The following GXYLT2 variants were observed in gnomAD, a reference collection of about 807,000 sequenced individuals.
GXYLT2 encodes the protein glycosyltransferase 8 domain containing 4.
A neutral mutation model predicts 45.8 loss-of-function variants in GXYLT2; 53 were observed. That is an observed-to-expected ratio of 1.16 (90% confidence interval 0.93 to 1.46). The LOEUF is 1.46. GXYLT2 is among the 40% of genes most tolerant of loss of function. The pLI is 0.00. For synonymous variants in GXYLT2, 219 were observed against 214.2 expected, an observed-to-expected ratio of 1.02 and a Z score of -0.19; for missense variants, 551 against 544.4, an observed-to-expected ratio of 1.01 and a Z score of -0.12.
chr3:72,963,609 T>A (rs1292166401), intron 5 of GXYLT2, among the ~76,000 whole-genome samples: 1 of 149,838 alleles, frequency 6.7e-6, no homozygotes, highest in Non-Finnish European at 1.5e-5. Context: ...CTCAAGTGAG[T>A]CTCCTGCCTT....
Position 72,975,257 on chromosome 3 carries a change from C to T in GXYLT2, c.*98C>T. ...CTTTTTGTGTGAATATTTAATGGTG[C>T]TCCATGACTGTTGAGTTTTAAAAAC... On this transcript the variant is annotated 3_prime_UTR_variant, in exon 7 of 7. Coordinates refer to ENST00000389617, the MANE Select transcript of GXYLT2 (RefSeq NM_001080393.2). 1 of 839,768 alleles carries T rather than the reference C, an allele frequency of 1.2e-6. No homozygotes were observed. The highest frequency in any genetic ancestry group is 2.8e-5 in the South Asian group (1 of 35,882). The allele number at this position is 839,768 out of a possible 1,614,324, so 52.0% of individuals were successfully genotyped here. A position where few individuals can be genotyped will look rare whatever the true frequency, so the allele number is the denominator to read the frequency against.
rs1709096350 is a variant in GXYLT2 at position 72,888,074 on chromosome 3, T to A, written c.-160T>A. 4.0e-6 allele frequency: 1 copy of A among 251,586 alleles called. No homozygotes were observed. The highest frequency in any genetic ancestry group is 6.1e-6 in the Non-Finnish European group (1 of 163,352). 15.6% of individuals were successfully genotyped at this position (251,586 alleles called of 1,614,324 possible). ...TCCTCTCTCTCCTCCTCCTTCGCCG[T>A]CGCCGCCGCCGCCGGCCGCCCGCCG... On this transcript the variant is annotated 5_prime_UTR_variant, in exon 1 of 7. Transcript: ENST00000389617.
At chr3:72,888,730 A>G (rs926544922) in intron 1 of GXYLT2, among the ~76,000 whole-genome samples, 2 of 152,228 alleles carry the variant, frequency 1.3e-5, no homozygotes, top group Admixed American at 1.3e-4. Context: ...TGAAGTGTCA[A>G]GGAAAGTGGT....
intron 1 of GXYLT2, among the ~76,000 whole-genome samples, chr3:72,899,222 C>T (rs1352490473): frequency 6.6e-6 from 1 of 152,058 alleles, no homozygotes; most frequent in Non-Finnish European, 1.5e-5. Context: ...CTGTAATTAC[C>T]AACTTTAGGC....
intron 3 of GXYLT2, among the ~76,000 whole-genome samples, chr3:72,940,313 A>G (rs1360244791): frequency 6.6e-6 from 1 of 152,248 alleles, no homozygotes; most frequent in Non-Finnish European, 1.5e-5. Context: ...CAAATATCCT[A>G]ATCTCATGGA....
At position 72,975,076 on chromosome 3, in the gene GXYLT2, T is replaced by C. The variant is rs762725480; in HGVS notation, c.1249T>C (p.Phe417Leu). The C allele has an allele frequency of 1.2e-6, 2 of 1,613,746 alleles. No homozygotes were observed. The highest frequency in any genetic ancestry group is 2.7e-5 in the African/African-American group (2 of 74,930). ...TTTATGTGGACGAATCCCGCAAGTTTTTCTGAAGCAAATTGAGAAAACAAT... is the reference window on the plus strand; with the variant it reads ...TTTATGTGGACGAATCCCGCAAGTTCTTCTGAAGCAAATTGAGAAAACAAT... ...HTLCGRIPQV[F>L]LKQIEKTMKR... Residue 417 changes from phenylalanine (F) to leucine (L), a missense_variant, in exon 7 of 7, where the codon TTT becomes CTT. Coordinates refer to ENST00000389617, the MANE Select transcript of GXYLT2 (RefSeq NM_001080393.2).
intron 3 of GXYLT2, among the ~76,000 whole-genome samples, chr3:72,930,981 G>A (rs1363569023): frequency 2.6e-5 from 4 of 151,972 alleles, no homozygotes; most frequent in Non-Finnish European, 5.9e-5. Flanking sequence ...TGAACCAACC[G>A]ACTTCTTTAG....
chr3:72,896,782 A>G (rs1241808921), intron 1 of GXYLT2, among the ~76,000 whole-genome samples: 1 of 152,044 alleles, frequency 6.6e-6, no homozygotes, highest in African/African-American at 2.4e-5. Context: ...CCCGGGAGGC[A>G]GAGGTTGCAG....
At chr3:72,903,856 A>G (rs1709452782) in intron 1 of GXYLT2, among the ~76,000 whole-genome samples, 1 of 152,210 alleles carries the variant, frequency 6.6e-6, no homozygotes, top group South Asian at 2.1e-4. Flanking sequence ...TTGATTGCTA[A>G]GTTGTAAGTT....
intron 6 of GXYLT2, among the ~76,000 whole-genome samples, chr3:72,972,371 C>A (rs953385828): frequency 1.5e-5 from 1 of 65,290 alleles, no homozygotes; most frequent in African/African-American, 9.4e-5. Context: ...CTGAGCTGGG[C>A]GCAGTGGGTC....
At chr3:72,925,156 C>CTTTTTT (rs368190344) in intron 3 of GXYLT2, among the ~76,000 whole-genome samples, 5 of 148,566 alleles carry the variant, frequency 3.4e-5, no homozygotes, top group African/African-American at 1.3e-4. Flanking sequence ...TTTTCTTTTT[C>CTTTTTT]TTTCTTTTTT....
Position 72,908,606 on chromosome 3 carries a change from A to T in GXYLT2, c.468+47A>T. ...CACAGTGTTTACTAAGTACAAACAGACTACATTTTAGGAACTGCATATTCT... is the reference window on the plus strand; with the variant it reads ...CACAGTGTTTACTAAGTACAAACAGTCTACATTTTAGGAACTGCATATTCT... On this transcript the variant is annotated intron_variant, in intron 2 of 6. Coordinates refer to ENST00000389617, the MANE Select transcript of GXYLT2 (RefSeq NM_001080393.2). 4 of 1,435,292 alleles carry T rather than the reference A, an allele frequency of 2.8e-6. No homozygotes were observed. In the Admixed American group the frequency reaches 7.8e-5, roughly 28 times the overall value. 88.9% of individuals were successfully genotyped at this position (1,435,292 alleles called of 1,614,324 possible). A position where few individuals can be genotyped will look rare whatever the true frequency, so the allele number is the denominator to read the frequency against.
intron 2 of GXYLT2, 49 bp from the exon 3 acceptor site, chr3:72,922,155 A>G (rs763217268): frequency 3.1e-5 from 49 of 1,563,112 alleles, no homozygotes; most frequent in Middle Eastern, 1.7e-4. Flanking sequence ...GGCATTTTCC[A>G]TATTTCCTAG....
intron 1 of GXYLT2, among the ~76,000 whole-genome samples, chr3:72,893,084 C>T (rs1003123572): frequency 6.6e-6 from 1 of 152,174 alleles, no homozygotes. Context: ...CTTACGGCCG[C>T]TTCAATAATC....
chr3:72,911,756 T>A (rs988683453), intron 2 of GXYLT2, among the ~76,000 whole-genome samples: 26 of 151,974 alleles, frequency 1.7e-4, no homozygotes, highest in Non-Finnish European at 2.9e-5. Flanking sequence ...AAATCATACA[T>A]GTTTGTGGTT....
At position 72,975,272 on chromosome 3, in the gene GXYLT2, G is replaced by T; in HGVS notation, c.*113G>T. ...TTTAATGGTGCTCCATGACTGTTGAGTTTTAAAAACCTCGTTAAATTTTGC... is the reference window on the plus strand; with the variant it reads ...TTTAATGGTGCTCCATGACTGTTGATTTTTAAAAACCTCGTTAAATTTTGC... On this transcript the variant is annotated 3_prime_UTR_variant, in exon 7 of 7. Transcript: ENST00000389617. The T allele has an allele frequency of 1.4e-6, 1 of 720,234 alleles. No individual in the cohort carries two copies. Among genetic ancestry groups the T allele is most frequent in the Non-Finnish European group, 2.0e-6 (1 of 490,078 alleles). The allele number at this position is 720,234 out of a possible 1,614,324, so 44.6% of individuals were successfully genotyped here. A position where few individuals can be genotyped will look rare whatever the true frequency, so the allele number is the denominator to read the frequency against.
At chr3:72,930,592 C>CTTTTTTTTTTTTTTTTTTTTTTTT (rs71126806) in intron 3 of GXYLT2, among the ~76,000 whole-genome samples, 1 of 101,610 alleles carries the variant, frequency 9.8e-6, no homozygotes, top group Non-Finnish European at 1.8e-5. Flanking sequence ...TCTTCTTCTT[C>CTTTTTTTTTTTTTTTTTTTTTTTT]TTTTTTTTTT....
intron 6 of GXYLT2, among the ~76,000 whole-genome samples, chr3:72,973,225 G>A (rs1485053163): frequency 6.6e-6 from 1 of 152,200 alleles, no homozygotes; most frequent in African/African-American, 2.4e-5. Context: ...GGGGCACCAG[G>A]GAGGCTGCTT....
At chr3:72,906,571 C>T (rs991729142) in intron 1 of GXYLT2, among the ~76,000 whole-genome samples, 3 of 150,858 alleles carry the variant, frequency 2.0e-5, no homozygotes, top group Non-Finnish European at 3.0e-5. Context: ...CCCTGCAGAA[C>T]GTAAGTTCTT....
Sources: gnomAD v4.1 joint callset for allele counts (sites outside exome capture counted in the v4.1 genomes callset) on GRCh38, gnomAD v4.1.1 for gene constraint, MANE v1.5 for transcripts, NCBI Gene and HGNC (gene_info 2026-07-23, HGNC 2026-07-21) for gene names.